NTRK2: variants seen among roughly 807,000 people sequenced by gnomAD.
NTRK2 encodes the protein neurotrophic receptor tyrosine kinase 2.
Under a neutral mutation model 94.5 loss-of-function variants are expected in NTRK2, and 13 were observed. That is an observed-to-expected ratio of 0.14 (90% CI 0.09 to 0.22). The LOEUF is 0.22. NTRK2 is among the 10% of genes least tolerant of loss of function. NTRK2 has a pLI of 1.00. For synonymous variants in NTRK2, 372 were observed against 407.4 expected (o/e 0.91, Z 1.05); for missense variants, 639 against 1,071.2 (o/e 0.60, Z 5.63).
intron 14 of NTRK2, among the ~76,000 whole-genome samples, chr9:84,912,699 AGCTCT>A (rs1363002069): frequency 6.8e-6 from 1 of 147,034 alleles, no homozygotes; most frequent in Non-Finnish European, 1.5e-5. Flanking sequence ...GCTCACTGCA[AGCTCT>A]GCCTCCCCGG....
chr9:84,677,414 G>A (rs924559060), intron 2 of NTRK2, among the ~76,000 whole-genome samples: 3 of 152,102 alleles, frequency 2.0e-5, no homozygotes, highest in Admixed American at 1.3e-4. Flanking sequence ...TGTGTTGTTC[G>A]TGTTCTGCTC....
At chr9:84,700,840 A>C (rs1019573832) in intron 2 of NTRK2, among the ~76,000 whole-genome samples, 1 of 152,104 alleles carries the variant, frequency 6.6e-6, no homozygotes, top group Non-Finnish European at 1.5e-5. Context: ...GAAAGGGGAG[A>C]TTTCCTCCTG....
chr9:84,863,435 G>A (rs539799954), intron 13 of NTRK2, among the ~76,000 whole-genome samples: 1 of 152,278 alleles, frequency 6.6e-6, no homozygotes, highest in South Asian at 2.1e-4. Context: ...AACTTTATAT[G>A]AATATTATAA....
intron 6 of NTRK2, among the ~76,000 whole-genome samples, chr9:84,720,344 AGAGT>A (rs1441186501): frequency 6.6e-6 from 1 of 152,248 alleles, no homozygotes; most frequent in African/African-American, 2.4e-5. Context: ...AACTACAGAT[AGAGT>A]GAGGCCATGG....
intron 12 of NTRK2, among the ~76,000 whole-genome samples, chr9:84,766,285 G>A (rs2066017500): frequency 6.6e-6 from 1 of 152,106 alleles, no homozygotes; most frequent in Admixed American, 6.6e-5. Context: ...GCAAGACTAA[G>A]GTGGCCAGAG....
chr9:84,993,030 A>G (rs1188826790), intron 17 of NTRK2, among the ~76,000 whole-genome samples: 1 of 151,912 alleles, frequency 6.6e-6, no homozygotes, highest in African/African-American at 2.4e-5. Context: ...TTATTTGACA[A>G]TTGGTATCCA....
At position 84,939,051 on chromosome 9, in the gene NTRK2, C is replaced by CAAAA. The variant is rs138558531; in HGVS notation, c.1764+4776_1764+4779dup. On this transcript the variant is annotated intron_variant, in intron 15 of 18. Transcript: ENST00000277120. The stretch of plus-strand genomic sequence containing the variant: ...TGGGTGACAGAGTGAGACCCCAACT[C>CAAAA]AAAAAAAAAAAAAAAAAAAAGAAAA... Among the ~76,000 whole-genome samples the CAAAA allele has an allele frequency of 8.3e-3, 567 of 68,268 alleles. 8 individuals carry two copies. Among genetic ancestry groups the CAAAA allele is most frequent in the Non-Finnish European group, 9.4e-3 (348 of 37,018 alleles). The allele number at this position is 68,268 out of a possible 152,430, so 44.8% of individuals were successfully genotyped here.
At chr9:84,863,178 A>T (rs1188187348) in intron 13 of NTRK2, among the ~76,000 whole-genome samples, 1 of 152,168 alleles carries the variant, frequency 6.6e-6, no homozygotes, top group Non-Finnish European at 1.5e-5. Context: ...CCTCACCTTG[A>T]AGGCACTGTT....
chr9:84,737,845 G>T (rs1012124534), intron 9 of NTRK2, among the ~76,000 whole-genome samples: 1 of 151,370 alleles, frequency 6.6e-6, no homozygotes, highest in Admixed American at 6.6e-5. Context: ...AGGCTGTACC[G>T]TGGACTGGCT....
chr9:84,831,068 A>T (rs2073515887), intron 12 of NTRK2, among the ~76,000 whole-genome samples: 1 of 152,208 alleles, frequency 6.6e-6, no homozygotes, highest in Non-Finnish European at 1.5e-5. Flanking sequence ...TCCTTTGAAT[A>T]AACCATAATG....
At chr9:84,810,739 T>C (rs1478054638) in intron 12 of NTRK2, 2 of 1,522,418 alleles carry the variant, frequency 1.3e-6, no homozygotes, top group Non-Finnish European at 8.8e-7. Context: ...CTGTACTATA[T>C]GAAGCCTGCA....
At chr9:84,918,216 C>G (rs139825104) in intron 14 of NTRK2, among the ~76,000 whole-genome samples, 3 of 152,296 alleles carry the variant, frequency 2.0e-5, no homozygotes, top group Non-Finnish European at 4.4e-5. Context: ...TATCAGGAAC[C>G]AAGACTCCAA....
chr9:84,741,561 G>C (rs577471934), intron 9 of NTRK2, among the ~76,000 whole-genome samples: 2 of 152,292 alleles, frequency 1.3e-5, no homozygotes, highest in Admixed American at 1.3e-4. Flanking sequence ...AAACTGCAAT[G>C]AAAGTAGCCA....
chr9:84,936,435 G>T (rs1204227459), intron 15 of NTRK2, among the ~76,000 whole-genome samples: 1 of 152,182 alleles, frequency 6.6e-6, no homozygotes, highest in Non-Finnish European at 1.5e-5. Context: ...GGCATTAAAA[G>T]ACATCTTATG....
At chr9:84,764,087 A>G (rs1421050739) in intron 12 of NTRK2, among the ~76,000 whole-genome samples, 2 of 152,218 alleles carry the variant, frequency 1.3e-5, no homozygotes, top group Non-Finnish European at 2.9e-5. Flanking sequence ...ACATCACAGA[A>G]GATGATGTGC....
At position 84,670,666 on chromosome 9, in the gene NTRK2, A is replaced by T. The variant is rs1227111945; in HGVS notation, c.-83A>T. ...GAGGAGTTAAGAGAGCCGCAAGCGC[A>T]GGGAAGGCCTCCCCGCACGGGTGGG... On this transcript the variant is annotated 5_prime_UTR_variant, in exon 2 of 19. Transcript: ENST00000277120. The T allele has an allele frequency of 1.4e-6, 2 of 1,382,862 alleles. No individual in the cohort carries two copies. The highest frequency in any genetic ancestry group is 1.7e-5 in the Admixed American group (1 of 59,598). The allele number at this position is 1,382,862 out of a possible 1,614,324, so 85.7% of individuals were successfully genotyped here. A position where few individuals can be genotyped will look rare whatever the true frequency, so the allele number is the denominator to read the frequency against.
intron 14 of NTRK2, among the ~76,000 whole-genome samples, chr9:84,882,719 T>TGTGCGTGCGCGCGC (rs761042296): frequency 4.8e-4 from 70 of 145,830 alleles, no homozygotes; most frequent in African/African-American, 1.7e-3. Context: ...TGTGTGTGTG[T>TGTGCGTGCGCGCGC]GCGCGCGCGC....
intron 14 of NTRK2, chr9:84,871,655 T>G (rs2075871185): frequency 2.5e-6 from 2 of 798,246 alleles, no homozygotes. Context: ...TGAAGTATGT[T>G]TTCACTATCT....
intron 17 of NTRK2, among the ~76,000 whole-genome samples, chr9:85,013,264 T>G (rs1214877563): frequency 2.6e-5 from 4 of 152,210 alleles, no homozygotes; most frequent in African/African-American, 7.2e-5. Context: ...CTGGCCACAA[T>G]GGCTCCAGGT....
Sources: gnomAD v4.1 joint callset for allele counts (sites outside exome capture counted in the v4.1 genomes callset) on GRCh38, gnomAD v4.1.1 for gene constraint, MANE v1.5 for transcripts, NCBI Gene and HGNC (gene_info 2026-07-23, HGNC 2026-07-21) for gene names.